SH3GL2: variants seen among roughly 807,000 people sequenced by gnomAD.
SH3GL2 encodes endophilin-A1.
Under a neutral mutation model 46.0 loss-of-function variants are expected in SH3GL2, and 24 were observed. The ratio of observed to expected loss-of-function variants is 0.52; its 90% confidence interval spans 0.38 to 0.73. SH3GL2 has a LOEUF of 0.73. Ranked by LOEUF, SH3GL2 falls within the 30% of genes least tolerant of loss-of-function variation. SH3GL2 has a pLI of 0.00. For missense variants in SH3GL2, 413 were observed against 424.2 expected (o/e 0.97, Z 0.23); for synonymous variants, 196 against 147.1 (o/e 1.33, Z -2.40).
intron 1 of SH3GL2, among the ~76,000 whole-genome samples, chr9:17,622,534 A>G (rs1819168003): frequency 1.3e-5 from 2 of 152,112 alleles, no homozygotes; most frequent in Non-Finnish European, 1.5e-5. Context: ...CCTGTGGGAT[A>G]CTCATGTTTC....
intron 1 of SH3GL2, among the ~76,000 whole-genome samples, chr9:17,647,244 G>C (rs1316198505): frequency 6.6e-6 from 1 of 152,284 alleles, no homozygotes; most frequent in African/African-American, 2.4e-5. Flanking sequence ...ATATATTTCT[G>C]TTGCTTCAAT....
At chr9:17,768,870 A>G (rs1015699290) in intron 3 of SH3GL2, among the ~76,000 whole-genome samples, 1 of 152,210 alleles carries the variant, frequency 6.6e-6, no homozygotes, top group Non-Finnish European at 1.5e-5. Context: ...TCTCTTGAGA[A>G]GTTCCTCACT....
chr9:17,788,928 T>C (rs1824041476), intron 5 of SH3GL2, among the ~76,000 whole-genome samples: 1 of 152,216 alleles, frequency 6.6e-6, no homozygotes, highest in South Asian at 2.1e-4. Flanking sequence ...ACTGGATGAT[T>C]TGAAAAGCAA....
chr9:17,775,589 T>G (rs907281393), intron 3 of SH3GL2, among the ~76,000 whole-genome samples: 2 of 152,188 alleles, frequency 1.3e-5, no homozygotes, highest in Non-Finnish European at 2.9e-5. Context: ...ATAGTAGCAA[T>G]TAATGAATAC....
intron 1 of SH3GL2, among the ~76,000 whole-genome samples, chr9:17,701,297 T>C (rs573165671): frequency 1.3e-5 from 2 of 152,274 alleles, no homozygotes; most frequent in African/African-American, 4.8e-5. Flanking sequence ...AAAAATGTTT[T>C]CATTCATAGC....
chr9:17,631,093 T>C (rs1357333639), intron 1 of SH3GL2, among the ~76,000 whole-genome samples: 1 of 152,094 alleles, frequency 6.6e-6, no homozygotes, highest in East Asian at 1.9e-4. Flanking sequence ...TAGTTTTAAT[T>C]TGAGTTATAG....
At chr9:17,621,827 G>T (rs1156865709) in intron 1 of SH3GL2, among the ~76,000 whole-genome samples, 1 of 152,308 alleles carries the variant, frequency 6.6e-6, no homozygotes, top group East Asian at 1.9e-4. Context: ...TGATTTGGGA[G>T]CAAAACTAGG....
intron 1 of SH3GL2, among the ~76,000 whole-genome samples, chr9:17,744,464 C>G (rs1334474329): frequency 2.0e-5 from 3 of 151,906 alleles, no homozygotes; most frequent in Admixed American, 2.0e-4. Context: ...CTCCTGAGCT[C>G]AAGCAATTCT....
At chr9:17,744,400 C>T (rs1197074682) in intron 1 of SH3GL2, among the ~76,000 whole-genome samples, 2 of 151,718 alleles carry the variant, frequency 1.3e-5, no homozygotes, top group Non-Finnish European at 2.9e-5. Flanking sequence ...TGAGTCTCAC[C>T]TGTCACCCAG....
rs72715413 is a variant in SH3GL2 at position 17,683,934 on chromosome 9, C to T, written c.46-63132C>T. On this transcript the variant is annotated intron_variant, in intron 1 of 8. Coordinates refer to ENST00000380607, the MANE Select transcript of SH3GL2 (RefSeq NM_003026.5). ...ACTCCTGACTAAATTGAATCAACTC[C>T]CCACACTTAAGATTAGCAGGATGCG... is the stretch of plus-strand genomic sequence containing the variant. Among the ~76,000 whole-genome samples the T allele has an allele frequency of 7.7e-4, 117 of 152,156 alleles. 1 individual carries two copies. Among genetic ancestry groups the T allele is most frequent in the South Asian group, 1.0e-3 (5 of 4,828 alleles).
Position 17,749,131 on chromosome 9 carries a change from A to G in SH3GL2, c.114+1997A>G, listed in dbSNP as rs1019185842. On this transcript the variant is annotated intron_variant, in intron 2 of 8. Coordinates refer to ENST00000380607, the MANE Select transcript of SH3GL2 (RefSeq NM_003026.5). The stretch of plus-strand genomic sequence containing the variant: ...CTCTTACAGCTGAGGCCTGGCACCT[A>G]CTTCCTCCAACTGGACCAAAGTCTG... 3.3e-5 allele frequency among the ~76,000 whole-genome samples: 5 copies of G among 152,194 alleles called. No individual in the cohort carries two copies. The South Asian group carries it at 8.3e-4, about 25-fold the overall frequency.
chr9:17,617,606 G>A (rs1819033760), intron 1 of SH3GL2, among the ~76,000 whole-genome samples: 1 of 152,190 alleles, frequency 6.6e-6, no homozygotes, highest in South Asian at 2.1e-4. Context: ...GAAGATGCCT[G>A]TTAACATCTT....
At chr9:17,732,335 A>G (rs187276174) in intron 1 of SH3GL2, among the ~76,000 whole-genome samples, 42 of 151,192 alleles carry the variant, frequency 2.8e-4, no homozygotes, top group African/African-American at 9.9e-4. Flanking sequence ...GTTCAGGGGA[A>G]TGATATCAAA....
chr9:17,677,367 G>C (rs1251285056), intron 1 of SH3GL2, among the ~76,000 whole-genome samples: 1 of 151,966 alleles, frequency 6.6e-6, no homozygotes. Flanking sequence ...CATTGTGAAG[G>C]GATGGCTCAA....
chr9:17,642,488 C>T (rs150426150), intron 1 of SH3GL2, among the ~76,000 whole-genome samples: 3,890 of 152,230 alleles, frequency 0.026, 85 homozygotes, highest in Admixed American at 0.076. Context: ...GGTTTTAGGT[C>T]TGACGTTTAA....
chr9:17,607,242 C>A (rs150905890), intron 1 of SH3GL2, among the ~76,000 whole-genome samples: 1 of 152,112 alleles, frequency 6.6e-6, no homozygotes, highest in African/African-American at 2.4e-5. Flanking sequence ...ATGATGTAGT[C>A]CATTGCTCCA....
intron 2 of SH3GL2, among the ~76,000 whole-genome samples, chr9:17,759,558 A>G (rs746801389): frequency 6.6e-6 from 1 of 152,146 alleles, no homozygotes; most frequent in South Asian, 2.1e-4. Context: ...ACCCCTCTGT[A>G]TCTGTTTTCT....
intron 1 of SH3GL2, among the ~76,000 whole-genome samples, chr9:17,623,401 A>G (rs1819204165): frequency 6.6e-6 from 1 of 152,096 alleles, no homozygotes; most frequent in Non-Finnish European, 1.5e-5. Context: ...TAGATTCTAT[A>G]TAGGGTAGTG....
At chr9:17,684,813 G>A (rs957786411) in intron 1 of SH3GL2, among the ~76,000 whole-genome samples, 3 of 152,082 alleles carry the variant, frequency 2.0e-5, no homozygotes, top group African/African-American at 7.2e-5. Flanking sequence ...TGTCAACCCA[G>A]ATTCCTATGT....
Sources: allele counts gnomAD v4.1 joint callset (sites outside exome capture counted in the v4.1 genomes callset), GRCh38; gene constraint gnomAD v4.1.1; transcripts MANE v1.5; gene names NCBI Gene and HGNC (gene_info 2026-07-23, HGNC 2026-07-21).